Variants in CPQ observed in about 807,000 individuals in gnomAD.
CPQ encodes the protein Ser-Met dipeptidase.
A neutral mutation model predicts 45.7 loss-of-function variants in CPQ; 37 were observed. The observed-to-expected ratio is 0.81, with a 90% confidence interval of 0.62 to 1.07. The LOEUF is 1.07. Among genes scored for constraint, CPQ ranks in the 50% least tolerant of loss-of-function variants. CPQ has a pLI of 0.00. For missense variants in CPQ, 537 were observed against 572.9 expected (o/e 0.94, Z 0.64); for synonymous variants, 186 against 205.8 (o/e 0.90, Z 0.82).
At chr8:96,801,792 T>G (rs575521108) in intron 2 of CPQ, among the ~76,000 whole-genome samples, 1 of 152,176 alleles carries the variant, frequency 6.6e-6, no homozygotes, top group East Asian at 1.9e-4. Context: ...ACCTCCTCTC[T>G]GCCTCCTCTC....
intron 6 of CPQ, among the ~76,000 whole-genome samples, chr8:97,046,267 C>T (rs1330291939): frequency 8.2e-5 from 12 of 145,738 alleles, no homozygotes; most frequent in East Asian, 2.0e-4. Flanking sequence ...ACTTCTATTC[C>T]TTTTTTTTTT....
intron 1 of CPQ, among the ~76,000 whole-genome samples, chr8:96,677,683 C>A (rs530425069): frequency 3.9e-5 from 6 of 151,978 alleles, no homozygotes; most frequent in Admixed American, 3.9e-4. Flanking sequence ...AATTGGGTCC[C>A]ATTTATTTAT....
intron 7 of CPQ, among the ~76,000 whole-genome samples, chr8:97,101,288 A>T (rs1270641335): frequency 6.6e-6 from 1 of 152,144 alleles, no homozygotes; most frequent in African/African-American, 2.4e-5. Flanking sequence ...TGAAAACTGC[A>T]TATTCATAGA....
rs201126730 is a variant in CPQ, at chr8:96,785,338, T to G, written c.433+8T>G. 6.4e-7 allele frequency: 1 copy of G among 1,572,096 alleles called. No homozygotes were observed. The highest frequency in any genetic ancestry group is 2.3e-5 in the East Asian group (1 of 44,274). On this transcript the variant is annotated splice_region_variant and intron_variant, in intron 2 of 7. Transcript: ENST00000220763. ...TTGGGACTCCTCCAGAAGGTATTGT[T>G]TGTCTTTTCAGTTTGATTTGTATTT...
Position 96,724,979 on chromosome 8 carries a change from G to C in CPQ, c.-34-59885G>C, listed in dbSNP as rs543887024. ...AGAAAGTCAACAGAAATAAACAACG[G>C]GGAAAGAACTTCCTATTCGATAAGT... On this transcript the variant is annotated intron_variant, in intron 1 of 7. Transcript: ENST00000220763. 2.6e-4 allele frequency among the ~76,000 whole-genome samples: 39 copies of C among 152,184 alleles called. No homozygotes were observed. The South Asian group carries it at 7.9e-3, about 31-fold the overall frequency.
chr8:97,032,541 A>G (rs1401574611), intron 6 of CPQ, among the ~76,000 whole-genome samples: 1 of 152,196 alleles, frequency 6.6e-6, no homozygotes. Context: ...CTATAGCTAT[A>G]TTCTCTATCT....
chr8:96,881,633 G>A (rs1812224411), intron 4 of CPQ, among the ~76,000 whole-genome samples: 1 of 152,200 alleles, frequency 6.6e-6, no homozygotes, highest in South Asian at 2.1e-4. Flanking sequence ...GGTCCACACA[G>A]CTAAGTAGGC....
At chr8:96,790,403 A>C (rs1208770149) in intron 2 of CPQ, among the ~76,000 whole-genome samples, 1 of 152,122 alleles carries the variant, frequency 6.6e-6, no homozygotes, top group Admixed American at 6.6e-5. Context: ...TCAGAGTCTT[A>C]GTATTCTTGA....
chr8:97,086,836 A>G (rs1811048374), intron 7 of CPQ, among the ~76,000 whole-genome samples: 1 of 152,186 alleles, frequency 6.6e-6, no homozygotes, highest in Non-Finnish European at 1.5e-5. Context: ...AATTAAATTT[A>G]TGGTACCTAA....
chr8:96,856,629 T>C (rs914398807), intron 3 of CPQ, among the ~76,000 whole-genome samples: 1 of 152,108 alleles, frequency 6.6e-6, no homozygotes, highest in Admixed American at 6.5e-5. Flanking sequence ...GAGTACTTAG[T>C]ATGGACCAGG....
intron 6 of CPQ, among the ~76,000 whole-genome samples, chr8:97,042,651 C>A (rs1354881512): frequency 6.6e-6 from 1 of 151,448 alleles, no homozygotes; most frequent in Non-Finnish European, 1.5e-5. Flanking sequence ...CTACACACTG[C>A]TTTGGATGTG....
chr8:96,695,818 T>C (rs1391944093), intron 1 of CPQ, among the ~76,000 whole-genome samples: 1 of 150,752 alleles, frequency 6.6e-6, no homozygotes, highest in Non-Finnish European at 1.5e-5. Context: ...TGTGGAGAAA[T>C]AGGAACACTT....
intron 2 of CPQ, among the ~76,000 whole-genome samples, chr8:96,830,394 T>G (rs1811439397): frequency 6.6e-6 from 1 of 152,088 alleles, no homozygotes; most frequent in Admixed American, 6.6e-5. Context: ...CTCTATAGAC[T>G]ACATGATCCG....
chr8:96,775,803 A>G (rs1810597533), intron 1 of CPQ, among the ~76,000 whole-genome samples: 1 of 152,168 alleles, frequency 6.6e-6, no homozygotes, highest in Non-Finnish European at 1.5e-5. Context: ...CCAACTAGTT[A>G]CCAGTAGAAT....
At chr8:96,657,886 C>A (rs1307756304) in intron 1 of CPQ, among the ~76,000 whole-genome samples, 1 of 152,196 alleles carries the variant, frequency 6.6e-6, no homozygotes, top group Non-Finnish European at 1.5e-5. Flanking sequence ...TCATCTTCCA[C>A]GTTTATATAC....
intron 2 of CPQ, among the ~76,000 whole-genome samples, chr8:96,788,252 C>T (rs1043929727): frequency 2.6e-5 from 4 of 151,604 alleles, no homozygotes; most frequent in Non-Finnish European, 5.9e-5. Context: ...TCCATTTCCC[C>T]AGTTCAAGTG....
At chr8:97,081,297 TCTGAGATACC>T (rs1290029304) in intron 7 of CPQ, among the ~76,000 whole-genome samples, 3 of 152,158 alleles carry the variant, frequency 2.0e-5, no homozygotes, top group Non-Finnish European at 2.9e-5. Flanking sequence ...CAAGATTTTA[TCTGAGATACC>T]CTGATCATTG....
At chr8:96,735,132 C>A (rs1586378562) in intron 1 of CPQ, among the ~76,000 whole-genome samples, 1 of 152,138 alleles carries the variant, frequency 6.6e-6, no homozygotes, top group East Asian at 1.9e-4. Flanking sequence ...TTTCAGGACA[C>A]TTATCACAAT....
chr8:96,657,047 A>G (rs1815646456), intron 1 of CPQ, among the ~76,000 whole-genome samples: 1 of 150,074 alleles, frequency 6.7e-6, no homozygotes, highest in African/African-American at 2.5e-5. Context: ...GTATGGGCCC[A>G]GTTAAAAAGA....
Sources: gnomAD v4.1 joint callset for allele counts (sites outside exome capture counted in the v4.1 genomes callset) on GRCh38, gnomAD v4.1.1 for gene constraint, MANE v1.5 for transcripts, NCBI Gene and HGNC (gene_info 2026-07-23, HGNC 2026-07-21) for gene names.